The following PTPRT variants were observed in gnomAD, a reference collection of about 807,000 sequenced individuals.
PTPRT encodes protein tyrosine phosphatase receptor type T.
In PTPRT, 56 loss-of-function variants were observed where a neutral mutation model predicts 176.8. The observed-to-expected ratio is 0.32, with a 90% CI of 0.26 to 0.40. The LOEUF (loss-of-function observed/expected upper bound fraction) is 0.40, where lower values mean the gene tolerates loss of function less well. Among genes scored for constraint, PTPRT ranks in the 10% least tolerant of loss-of-function variants. PTPRT has a pLI of 1.00. For synonymous variants in PTPRT, 783 were observed against 739.0 expected (o/e 1.06, Z -0.96); for missense variants, 1,540 against 1,908.2 (o/e 0.81, Z 3.60).
intron 7 of PTPRT, among the ~76,000 whole-genome samples, chr20:42,493,950 A>G (rs921248186): frequency 6.6e-6 from 1 of 152,024 alleles, no homozygotes; most frequent in Non-Finnish European, 1.5e-5. Flanking sequence ...GGAGGTACAC[A>G]TACTCAATCA....
At chr20:43,151,317 CA>C (rs11347519) in intron 1 of PTPRT, among the ~76,000 whole-genome samples, 42,525 of 108,672 alleles carry the variant, frequency 0.39, 7,295 homozygotes, top group East Asian at 0.63. Context: ...CCGTCTCAAA[CA>C]AAAAAAAAAA....
chr20:42,692,095 G>T (rs2075802396), intron 6 of PTPRT, among the ~76,000 whole-genome samples: 2 of 152,040 alleles, frequency 1.3e-5, no homozygotes, highest in Admixed American at 1.3e-4. Flanking sequence ...GAAGGTGTTG[G>T]GTAGGTTTGA....
At chr20:42,115,453 C>T in intron 21 of PTPRT, 138 bp from the exon 22 acceptor site, 1 of 663,330 alleles carries the variant, frequency 1.5e-6, no homozygotes, top group South Asian at 1.7e-5. Context: ...CATTTCAGTC[C>T]ACAGGGTTCA....
chr20:42,885,261 GTATAA>G (rs1333730984), intron 2 of PTPRT, among the ~76,000 whole-genome samples: 7 of 146,336 alleles, frequency 4.8e-5, no homozygotes, highest in East Asian at 2.0e-4. Flanking sequence ...CATATATAAT[GTATAA>G]TATAATATAT....
At chr20:43,043,867 A>G (rs1986731524) in intron 1 of PTPRT, among the ~76,000 whole-genome samples, 1 of 152,176 alleles carries the variant, frequency 6.6e-6, no homozygotes, top group Non-Finnish European at 1.5e-5. Context: ...GTGCTTTCAC[A>G]TCACAAGGCT....
chr20:42,149,536 G>A (rs747731518), intron 17 of PTPRT, among the ~76,000 whole-genome samples: 11 of 151,396 alleles, frequency 7.3e-5, no homozygotes, highest in African/African-American at 1.7e-4. Context: ...TGATTCTCCC[G>A]CCTCAGCCTC....
intron 1 of PTPRT, among the ~76,000 whole-genome samples, chr20:43,070,763 G>C (rs1228783790): frequency 1.2e-4 from 18 of 151,992 alleles, no homozygotes; most frequent in African/African-American, 4.1e-4. Context: ...CTCATAGGTG[G>C]GAATTGAACA....
chr20:42,673,743 G>A (rs1021242301), intron 7 of PTPRT, among the ~76,000 whole-genome samples: 1 of 151,970 alleles, frequency 6.6e-6, no homozygotes, highest in African/African-American at 2.4e-5. Flanking sequence ...TCATCATTTC[G>A]AGGGTTAGAA....
intron 5 of PTPRT, 25 bp downstream of exon 5, chr20:42,771,410 G>A: frequency 3.2e-6 from 5 of 1,576,978 alleles, no homozygotes; most frequent in Non-Finnish European, 4.4e-6. Context: ...TAACGAGTCT[G>A]AGCAGAGGCT....
At chr20:42,242,985 T>C (rs540607905) in intron 14 of PTPRT, among the ~76,000 whole-genome samples, 1 of 134,932 alleles carries the variant, frequency 7.4e-6, no homozygotes, top group East Asian at 2.1e-4. Flanking sequence ...AATAGGGCTA[T>C]AGAGGTCTGA....
chr20:42,197,229 A>T (rs1224472710), intron 16 of PTPRT, among the ~76,000 whole-genome samples: 1 of 151,984 alleles, frequency 6.6e-6, no homozygotes, highest in Non-Finnish European at 1.5e-5. Context: ...AATACAAAAA[A>T]TTAGCCACGC....
rs193170063 is a variant in PTPRT, at chr20:42,683,434, C to T, written c.860-5275G>A. On this transcript the variant is annotated intron_variant, in intron 6 of 30. Transcript: ENST00000373187. ...CTGGGATTACAGGCACCTGTCACCA[C>T]GTCCAGCTAATTTTTGTACTTTTAG... Among the ~76,000 whole-genome samples, 42 of 152,176 alleles carry T rather than the reference C, an allele frequency of 2.8e-4. 1 individual carries two copies. The highest frequency in any genetic ancestry group is 2.1e-3 in the Admixed American group (32 of 15,292).
At chr20:42,503,157 T>G (rs7273823) in intron 7 of PTPRT, among the ~76,000 whole-genome samples, 1 of 152,046 alleles carries the variant, frequency 6.6e-6, no homozygotes, top group African/African-American at 2.4e-5. Context: ...TGATACACTC[T>G]GTTTTAGCTT....
At chr20:42,534,166 G>C (rs1025598112) in intron 7 of PTPRT, among the ~76,000 whole-genome samples, 1 of 152,200 alleles carries the variant, frequency 6.6e-6, no homozygotes, top group African/African-American at 2.4e-5. Context: ...AAATCAGACA[G>C]GCTGTGTTCA....
chr20:42,560,018 T>C (rs755129220), intron 7 of PTPRT, among the ~76,000 whole-genome samples: 1 of 152,194 alleles, frequency 6.6e-6, no homozygotes, highest in Non-Finnish European at 1.5e-5. Flanking sequence ...GCCCTCATTT[T>C]GACAGCAAAC....
chr20:42,830,373 C>T (rs192970331), intron 2 of PTPRT, among the ~76,000 whole-genome samples: 19 of 152,254 alleles, frequency 1.2e-4, no homozygotes, highest in South Asian at 2.1e-4. Context: ...TAGATGCAGA[C>T]GAGGCTTTCA....
intron 13 of PTPRT, among the ~76,000 whole-genome samples, chr20:42,269,265 G>A (rs2056890346): frequency 6.6e-6 from 1 of 152,206 alleles, no homozygotes; most frequent in African/African-American, 2.4e-5. Context: ...CACCAGCAGT[G>A]ATGTCTCTGA....
At chr20:42,658,183 T>C (rs1356564100) in intron 7 of PTPRT, among the ~76,000 whole-genome samples, 1 of 152,210 alleles carries the variant, frequency 6.6e-6, no homozygotes, top group Non-Finnish European at 1.5e-5. Context: ...CTGCTCACAA[T>C]GCTTTTGTCA....
chr20:43,044,006 G>C (rs1372608763), intron 1 of PTPRT, among the ~76,000 whole-genome samples: 2 of 152,118 alleles, frequency 1.3e-5, no homozygotes, highest in East Asian at 3.9e-4. Flanking sequence ...GAGTCCCAGG[G>C]CTCGTTCAAT....
Sources: gnomAD v4.1 joint callset for allele counts (sites outside exome capture counted in the v4.1 genomes callset) on GRCh38, gnomAD v4.1.1 for gene constraint, MANE v1.5 for transcripts, NCBI Gene and HGNC (gene_info 2026-07-23, HGNC 2026-07-21) for gene names.